Variants in NDUFB3 observed in about 807,000 individuals in gnomAD.
NDUFB3 encodes the protein NADH:ubiquinone oxidoreductase subunit B3, also known as NADH dehydrogenase [ubiquinone] 1 beta subcomplex subunit 3.
A neutral mutation model predicts 9.0 loss-of-function variants in NDUFB3; 7 were observed. The ratio of observed to expected loss-of-function variants is 0.78; its 90% confidence interval spans 0.44 to 1.46. The LOEUF is 1.46. NDUFB3 is among the 40% of genes most tolerant of loss of function. The pLI is 0.01. For synonymous variants in NDUFB3, 29 were observed against 38.5 expected, an observed-to-expected ratio of 0.75 and a Z score of 0.91; for missense variants, 93 against 115.4, an observed-to-expected ratio of 0.81 and a Z score of 0.89.
intron 2 of NDUFB3, among the ~76,000 whole-genome samples, chr2:201,082,285 G>C (rs1202039675): frequency 1.3e-5 from 2 of 150,204 alleles, no homozygotes; most frequent in South Asian, 2.1e-4. Flanking sequence ...TGTTTGTTTT[G>C]GGAGATGGAG....
chr2:201,083,959 C>A (rs2047261353), intron 2 of NDUFB3, among the ~76,000 whole-genome samples: 2 of 151,638 alleles, frequency 1.3e-5, no homozygotes. Flanking sequence ...AGTTTGAGAC[C>A]AGCCTGGCCA....
chr2:201,072,972 G>A (rs2047106163), intron 1 of NDUFB3, among the ~76,000 whole-genome samples: 1 of 152,074 alleles, frequency 6.6e-6, no homozygotes, highest in Non-Finnish European at 1.5e-5. Context: ...CCTCCAAAGG[G>A]CCACAGTATA....
At chr2:201,085,327 C>T in intron 2 of NDUFB3, 132 bp from the exon 3 acceptor site, 1 of 597,606 alleles carries the variant, frequency 1.7e-6, no homozygotes, top group Middle Eastern at 3.5e-4. Flanking sequence ...AGAAAGATTC[C>T]TATTGCGATT....
intron 2 of NDUFB3, 72 bp downstream of exon 2, chr2:201,079,094 T>G (rs1004919697): frequency 6.8e-7 from 1 of 1,476,554 alleles, no homozygotes; most frequent in Non-Finnish European, 9.1e-7. Flanking sequence ...TTTCAATGTA[T>G]TCTCCTTAGA....
intron 1 of NDUFB3, among the ~76,000 whole-genome samples, chr2:201,077,507 G>C (rs1013888924): frequency 3.3e-5 from 5 of 152,198 alleles, no homozygotes; most frequent in African/African-American, 1.2e-4. Context: ...TCAGGGATCG[G>C]CAAACTGCAG....
At chr2:201,084,244 C>A (rs1416009133) in intron 2 of NDUFB3, among the ~76,000 whole-genome samples, 2 of 150,602 alleles carry the variant, frequency 1.3e-5, no homozygotes, top group Non-Finnish European at 3.0e-5. Flanking sequence ...TAGCCAAGAT[C>A]GTACCATCGC....
At chr2:201,078,226 C>T (rs1017592982) in intron 1 of NDUFB3, among the ~76,000 whole-genome samples, 1 of 152,002 alleles carries the variant, frequency 6.6e-6, no homozygotes, top group Non-Finnish European at 1.5e-5. Context: ...GGCGTGAACC[C>T]GGGAGGCGGA....
intron 2 of NDUFB3, 96 bp from the exon 3 acceptor site, chr2:201,085,363 G>A: frequency 1.1e-6 from 1 of 896,068 alleles, no homozygotes. Flanking sequence ...CTGTAGGGTA[G>A]CATTTAAGTC....
chr2:201,075,065 G>A (rs932300172), intron 1 of NDUFB3, among the ~76,000 whole-genome samples: 1 of 151,754 alleles, frequency 6.6e-6, no homozygotes, highest in Non-Finnish European at 1.5e-5. Flanking sequence ...AGAAAAATGG[G>A]CCAGGTGCCA....
At chr2:201,075,016 T>C (rs2047146419) in intron 1 of NDUFB3, among the ~76,000 whole-genome samples, 1 of 151,990 alleles carries the variant, frequency 6.6e-6, no homozygotes, top group South Asian at 2.1e-4. Context: ...ATATCATTGT[T>C]TGATTTATGG....
At chr2:201,076,573 TAA>T (rs902636903) in intron 1 of NDUFB3, among the ~76,000 whole-genome samples, 1 of 149,960 alleles carries the variant, frequency 6.7e-6, no homozygotes, top group African/African-American at 2.5e-5. Flanking sequence ...TTACAAATAA[TAA>T]GTGTTGGTTT....
At position 201,085,579 on chromosome 2, in the gene NDUFB3, C is replaced by T; in HGVS notation, c.261C>T (p.Tyr87=). 1 of 1,612,024 alleles carries T rather than the reference C, an allele frequency of 6.2e-7. No homozygotes were observed. Residue 87 remains tyrosine (Y), a synonymous_variant, in exon 3 of 3, where the codon TAC becomes TAT. Transcript: ENST00000237889. ...TGGTAGCTGTAGGAGCTGAATATTA[C>T]CTGGAGTCCCTGAATAAAGATAAGA... is the stretch of plus-strand genomic sequence containing the variant. ...AFVVAVGAEY[Y]LESLNKDKKH...
At chr2:201,077,135 T>C (rs570516573) in intron 1 of NDUFB3, among the ~76,000 whole-genome samples, 2 of 152,146 alleles carry the variant, frequency 1.3e-5, no homozygotes, top group African/African-American at 4.8e-5. Flanking sequence ...TCCTACCTTA[T>C]TGGGCCTGTT....
chr2:201,080,867 C>G (rs1296189749), intron 2 of NDUFB3, among the ~76,000 whole-genome samples: 2 of 151,696 alleles, frequency 1.3e-5, no homozygotes, highest in African/African-American at 4.8e-5. Context: ...CCATGCCCTG[C>G]TAATTTTTTG....
chr2:201,075,266 C>G (rs1019596900), intron 1 of NDUFB3, among the ~76,000 whole-genome samples: 1 of 151,392 alleles, frequency 6.6e-6, no homozygotes, highest in East Asian at 1.9e-4. Context: ...TTTGAAAAGT[C>G]ATTTATATGT....
rs370085037 is a variant in NDUFB3 at position 201,085,536 on chromosome 2, G to T, written c.218G>T (p.Trp73Leu). Residue 73 changes from tryptophan to leucine, a missense_variant, in exon 3 of 3, where the codon TGG becomes TTG. Coordinates refer to ENST00000237889, the MANE Select transcript of NDUFB3 (RefSeq NM_002491.3). ...FSDVFFKGFK[W>L]GFAAFVVAVG... is the part of the protein sequence containing the mutation. Reference sequence around the variant, plus strand: ...GATGTATTCTTTAAAGGATTCAAATGGGGATTTGCTGCATTTGTGGTAGCT... The same window carrying T: ...GATGTATTCTTTAAAGGATTCAAATTGGGATTTGCTGCATTTGTGGTAGCT... 9.7e-5 allele frequency: 157 copies of T among 1,612,492 alleles called. 1 individual carries two copies. The highest frequency in any genetic ancestry group is 6.0e-4 in the South Asian group (55 of 91,010).
chr2:201,084,994 A>T (rs2047273751), intron 2 of NDUFB3, among the ~76,000 whole-genome samples: 1 of 152,224 alleles, frequency 6.6e-6, no homozygotes, highest in Non-Finnish European at 1.5e-5. Flanking sequence ...GATATTATAA[A>T]GTAGATAATA....
chr2:201,082,028 G>A (rs747961105), intron 2 of NDUFB3, among the ~76,000 whole-genome samples: 6 of 151,966 alleles, frequency 3.9e-5, no homozygotes, highest in Admixed American at 2.0e-4. Context: ...GTGTTAGCCA[G>A]AATGGTCTCG....
At chr2:201,085,333 C>T (rs2047279145) in intron 2 of NDUFB3, 126 bp from the exon 3 acceptor site, 3 of 624,882 alleles carry the variant, frequency 4.8e-6, no homozygotes, top group Non-Finnish European at 7.7e-6. Flanking sequence ...ATTCCTATTG[C>T]GATTCACTTA....
Sources: gnomAD v4.1 joint callset for allele counts (sites outside exome capture counted in the v4.1 genomes callset) on GRCh38, gnomAD v4.1.1 for gene constraint, MANE v1.5 for transcripts, NCBI Gene and HGNC (gene_info 2026-07-23, HGNC 2026-07-21) for gene names.